CBFB: variants seen among roughly 807,000 people sequenced by gnomAD.
CBFB encodes the protein CBF-beta.
A neutral mutation model predicts 30.4 loss-of-function variants in CBFB; 9 were observed. The observed-to-expected ratio is 0.30, with a 90% confidence interval of 0.18 to 0.52. CBFB has a LOEUF of 0.52. Ranked by LOEUF, CBFB falls within the 20% of genes least tolerant of loss-of-function variation. The pLI is 0.97. For synonymous variants in CBFB, 94 were observed against 84.0 expected, an observed-to-expected ratio of 1.12 and a Z score of -0.65; for missense variants, 170 against 244.0, an observed-to-expected ratio of 0.70 and a Z score of 2.02.
Position 67,029,474 on chromosome 16 carries a change from C to G in CBFB, c.67C>G (p.Arg23Gly). The stretch of plus-strand genomic sequence containing the variant: ...CGAGGAGTTTTTTAGGAAGCTGAGC[C>G]GCGAGTGTGAGGTGAGGCAGGCGGG... ...ENEEFFRKLS[R>G]ECEIKYTGFR... Residue 23 changes from arginine to glycine, a missense_variant, in exon 1 of 6, where the codon CGC becomes GGC. By Grantham distance (125) the Arg-to-Gly change is moderately radical (BLOSUM62 -2). Transcript: ENST00000412916. 9.4e-6 allele frequency: 15 copies of G among 1,589,954 alleles called. No individual in the cohort carries two copies. Among genetic ancestry groups the G allele is most frequent in the Non-Finnish European group, 1.3e-5 (15 of 1,169,610 alleles).
chr16:67,064,766 A>G (rs1961006384), intron 3 of CBFB, among the ~76,000 whole-genome samples: 1 of 152,214 alleles, frequency 6.6e-6, no homozygotes, highest in Admixed American at 6.6e-5. Context: ...AGCAATTTTT[A>G]TTCTAGAGTT....
intron 5 of CBFB, among the ~76,000 whole-genome samples, chr16:67,084,622 G>A (rs1162283289): frequency 1.3e-5 from 2 of 152,194 alleles, no homozygotes; most frequent in Non-Finnish European, 2.9e-5. Context: ...AAATGGCTAA[G>A]ATGGTAAGTT....
In CBFB at chr16:67,029,789, C is replaced by T. The variant is rs755705791; in HGVS notation, c.141C>T (p.Ala47=). The T allele has an allele frequency of 1.9e-6, 3 of 1,591,016 alleles. No individual in the cohort carries two copies. The highest frequency in any genetic ancestry group is 2.4e-5 in the East Asian group (1 of 42,176). The change falls in exon 2 of 6, where the codon GCC becomes GCT. Residue 47 remains alanine, a synonymous_variant. Transcript: ENST00000412916. ...HEERQARFQN[A]CRDGRSEIAF... ...AACGCCAGGCACGCTTCCAGAACGC[C>T]TGCCGCGACGGCCGCTCGGAAATCG... is the stretch of plus-strand genomic sequence containing the variant.
At chr16:67,057,662 G>C (rs758857350) in intron 3 of CBFB, among the ~76,000 whole-genome samples, 9 of 151,888 alleles carry the variant, frequency 5.9e-5, no homozygotes, top group Non-Finnish European at 1.0e-4. Context: ...ATATGTTAGT[G>C]AACTTTTTTT....
At chr16:67,065,888 C>T (rs1961037449) in intron 3 of CBFB, among the ~76,000 whole-genome samples, 1 of 152,030 alleles carries the variant, frequency 6.6e-6, no homozygotes, top group South Asian at 2.1e-4. Context: ...AAATAAAAAA[C>T]TGTGAAATAG....
intron 2 of CBFB, among the ~76,000 whole-genome samples, chr16:67,032,330 A>C (rs1209549117): frequency 6.6e-6 from 1 of 152,224 alleles, no homozygotes; most frequent in Non-Finnish European, 1.5e-5. Flanking sequence ...GTCTCCAAAA[A>C]TAAAACAAGT....
chr16:67,086,811 G>C (rs1961743760), intron 5 of CBFB, among the ~76,000 whole-genome samples: 2 of 152,144 alleles, frequency 1.3e-5, no homozygotes, highest in Admixed American at 1.3e-4. Flanking sequence ...TGTCAGTCTT[G>C]TGGGAAAATG....
chr16:67,092,696 A>ATTTTTTTTTTTTTT lies in CBFB; in HGVS notation c.496-6013_496-6012insTTTTTTTTTTTTTT, dbSNP rs1162307047. Among the ~76,000 whole-genome samples, 68 of 94,662 alleles carry ATTTTTTTTTTTTTT rather than the reference A, an allele frequency of 7.2e-4. 4 individuals are homozygous for ATTTTTTTTTTTTTT. Among genetic ancestry groups the ATTTTTTTTTTTTTT allele is most frequent in the African/African-American group, 1.2e-3 (26 of 21,154 alleles). 62.1% of individuals were successfully genotyped at this position (94,662 alleles called of 152,430 possible). On this transcript the variant is annotated intron_variant, in intron 5 of 5. Transcript: ENST00000412916. ...ACCCAGGCTAGGTTACAGTGGTGCA[A>ATTTTTTTTTTTTTT]TCTTTTTTTTTTTTTTTTTTTTTTT...
At chr16:67,079,253 A>G (rs1250217762) in intron 4 of CBFB, among the ~76,000 whole-genome samples, 1 of 152,184 alleles carries the variant, frequency 6.6e-6, no homozygotes, top group African/African-American at 2.4e-5. Context: ...CCTTTCTTAC[A>G]TGTAAATTTA....
At chr16:67,031,064 G>GT (rs1168531763) in intron 2 of CBFB, among the ~76,000 whole-genome samples, 1 of 152,124 alleles carries the variant, frequency 6.6e-6, no homozygotes, top group Non-Finnish European at 1.5e-5. Flanking sequence ...TATAAAACCA[G>GT]TTTATTTTTA....
At chr16:67,072,308 A>C (rs973189977) in intron 4 of CBFB, among the ~76,000 whole-genome samples, 1 of 152,208 alleles carries the variant, frequency 6.6e-6, no homozygotes, top group African/African-American at 2.4e-5. Flanking sequence ...GCAAAATAAA[A>C]GTTATATCTT....
intron 3 of CBFB, among the ~76,000 whole-genome samples, chr16:67,041,692 T>C (rs1966532641): frequency 1.3e-5 from 2 of 151,880 alleles, no homozygotes; most frequent in African/African-American, 4.8e-5. Flanking sequence ...GCTGGAACAA[T>C]TTTGAACAGC....
At chr16:67,092,343 A>C (rs1284657800) in intron 5 of CBFB, among the ~76,000 whole-genome samples, 1 of 152,134 alleles carries the variant, frequency 6.6e-6, no homozygotes, top group Non-Finnish European at 1.5e-5. Flanking sequence ...GAGACTTAAA[A>C]TTTGTGCTTT....
At chr16:67,052,826 C>T (rs1225834842) in intron 3 of CBFB, among the ~76,000 whole-genome samples, 1 of 151,572 alleles carries the variant, frequency 6.6e-6, no homozygotes, top group Non-Finnish European at 1.5e-5. Context: ...AGCCAGGTGT[C>T]GTGATACAGG....
At chr16:67,045,095 T>TTATA (rs59081635) in intron 3 of CBFB, among the ~76,000 whole-genome samples, 23 of 149,780 alleles carry the variant, frequency 1.5e-4, no homozygotes, top group African/African-American at 4.9e-4. Flanking sequence ...AACTGCAAGC[T>TTATA]TATATATATA....
chr16:67,080,069 G>T (rs566691491), intron 4 of CBFB, among the ~76,000 whole-genome samples: 148 of 152,280 alleles, frequency 9.7e-4, no homozygotes, highest in African/African-American at 3.4e-3. Flanking sequence ...TCCAGCCTGG[G>T]CAACAGAGTG....
chr16:67,058,131 T>G (rs573651365), intron 3 of CBFB, among the ~76,000 whole-genome samples: 34 of 151,266 alleles, frequency 2.2e-4, no homozygotes, highest in Middle Eastern at 3.4e-3. Flanking sequence ...TCAAATCGGT[T>G]GTTGTTGTTG....
At chr16:67,032,342 T>C (rs772350462) in intron 2 of CBFB, among the ~76,000 whole-genome samples, 13 of 152,124 alleles carry the variant, frequency 8.5e-5, no homozygotes, top group Non-Finnish European at 1.5e-4. Context: ...AAAACAAGTA[T>C]CTGATTCGAC....
At chr16:67,085,041 T>A (rs1172133811) in intron 5 of CBFB, among the ~76,000 whole-genome samples, 1 of 135,814 alleles carries the variant, frequency 7.4e-6, no homozygotes, top group African/African-American at 3.7e-5. Flanking sequence ...ATTGTTAATA[T>A]TATTTAAAGT....
Sources: allele counts gnomAD v4.1 joint callset (sites outside exome capture counted in the v4.1 genomes callset), GRCh38; gene constraint gnomAD v4.1.1; transcripts MANE v1.5; gene names NCBI Gene and HGNC (gene_info 2026-07-23, HGNC 2026-07-21).